GRAMD1B: variants seen among roughly 807,000 people sequenced by gnomAD.
The protein encoded by GRAMD1B is protein Aster-B.
GRAMD1B carries 37 observed loss-of-function variants against 99.7 expected under a neutral mutation model. The ratio of observed to expected loss-of-function variants is 0.37; its 90% confidence interval spans 0.29 to 0.49. GRAMD1B has a LOEUF of 0.49. Among genes scored for constraint, GRAMD1B ranks in the 20% least tolerant of loss-of-function variants. The pLI, the probability that GRAMD1B is intolerant of heterozygous loss-of-function variation, is 0.98. For synonymous variants in GRAMD1B, 427 were observed against 387.6 expected (o/e 1.10, Z -1.19); for missense variants, 888 against 1,009.2 (o/e 0.88, Z 1.63).
intron 1 of GRAMD1B, among the ~76,000 whole-genome samples, chr11:123,405,950 A>G (rs1056269291): frequency 1.3e-5 from 2 of 151,816 alleles, no homozygotes; most frequent in African/African-American, 4.8e-5. Context: ...TTGCATGTGC[A>G]TGTATATATA....
chr11:123,459,382 A>G (rs977823623), intron 1 of GRAMD1B: 1 of 151,870 alleles, frequency 6.6e-6, no homozygotes, highest in South Asian at 2.1e-4. Flanking sequence ...CAGCCTCCAG[A>G]GTAGCTGGGA....
chr11:123,549,715 A>G (rs1290809), intron 2 of GRAMD1B, among the ~76,000 whole-genome samples: 56,794 of 151,962 alleles, frequency 0.37, 12,468 homozygotes, highest in African/African-American at 0.61. Flanking sequence ...CTCATACTCT[A>G]TGAATGCAGA....
chr11:123,417,049 C>T (rs962610097), intron 1 of GRAMD1B, among the ~76,000 whole-genome samples: 1 of 152,182 alleles, frequency 6.6e-6, no homozygotes, highest in Non-Finnish European at 1.5e-5. Context: ...TGCAAGGGTA[C>T]ATTAATCTCA....
intron 2 of GRAMD1B, among the ~76,000 whole-genome samples, chr11:123,522,130 T>G (rs1280993390): frequency 6.6e-6 from 1 of 152,116 alleles, no homozygotes; most frequent in South Asian, 2.1e-4. Flanking sequence ...TATTCATTCC[T>G]AGAGGTTGTG....
intron 1 of GRAMD1B, among the ~76,000 whole-genome samples, chr11:123,467,184 G>C (rs4936810): frequency 6.6e-6 from 1 of 151,980 alleles, no homozygotes; most frequent in East Asian, 1.9e-4. Flanking sequence ...GGCATGAAAA[G>C]TTAAAGCTTA....
chr11:123,420,695 G>C (rs1948402666), intron 1 of GRAMD1B, among the ~76,000 whole-genome samples: 1 of 152,160 alleles, frequency 6.6e-6, no homozygotes, highest in Admixed American at 6.5e-5. Flanking sequence ...ATGACAGGGA[G>C]AACTAGTCTG....
In GRAMD1B at chr11:123,610,812, A is replaced by G. The variant is rs975792410; in HGVS notation, c.1919+474A>G. On this transcript the variant is annotated intron_variant, in intron 14 of 19. Transcript: ENST00000635736. This position sits in a 1 kb window ranked among gnomAD's most constrained non-coding sequence, Gnocchi z 4.1. ...CCATTAGTGTTAGACAGTGAGCTCC[A>G]CGAGGACAGGAATTCCATTCCACTT... is the stretch of plus-strand genomic sequence containing the variant. Among the ~76,000 whole-genome samples, 1 of 152,222 alleles carries G rather than the reference A, an allele frequency of 6.6e-6. No individual in the cohort carries two copies. Among genetic ancestry groups the G allele is most frequent in the Non-Finnish European group, 1.5e-5 (1 of 68,044 alleles).
chr11:123,395,780 C>G (rs1947438036), intron 1 of GRAMD1B, among the ~76,000 whole-genome samples: 2 of 152,086 alleles, frequency 1.3e-5, no homozygotes, highest in South Asian at 4.2e-4. Context: ...AGGATGAAAA[C>G]CCCTGTGCTC....
chr11:123,476,023 C>T (rs1951249510), intron 1 of GRAMD1B, among the ~76,000 whole-genome samples: 1 of 152,064 alleles, frequency 6.6e-6, no homozygotes, highest in Admixed American at 6.6e-5. Flanking sequence ...GAGGCAGTGT[C>T]TGAATCTCTG....
At chr11:123,429,998 C>G (rs1043098283), upstream of GRAMD1B, among the ~76,000 whole-genome samples, 5 of 152,112 alleles carry the variant, frequency 3.3e-5, no homozygotes, top group East Asian at 3.9e-4. The surrounding 1 kb of genome is among the most constrained non-coding windows in gnomAD (Gnocchi z 4.0). Flanking sequence ...CTGCACCCCC[C>G]ACCCCCAAGG....
intron 1 of GRAMD1B, among the ~76,000 whole-genome samples, chr11:123,378,067 A>G (rs1341288379): frequency 6.6e-6 from 1 of 152,212 alleles, no homozygotes; most frequent in Non-Finnish European, 1.5e-5. Context: ...TGGTCAGAAC[A>G]CTGGACTTGG....
chr11:123,618,829 A>G (rs1156692700), intron 18 of GRAMD1B, 29 bp downstream of exon 18: 3 of 1,087,924 alleles, frequency 2.8e-6, no homozygotes, highest in Non-Finnish European at 4.1e-6. Context: ...CCTCACCTCC[A>G]CCTTCATCCC....
Position 123,431,154 on chromosome 11 carries a change from G to A in GRAMD1B, c.362G>A (p.Cys121Tyr), listed in dbSNP as rs1034384315. The change falls in exon 1 of 20, where the codon TGC becomes TAC. Residue 121 changes from cysteine to tyrosine, a missense_variant. Coordinates refer to ENST00000635736, the MANE Select transcript of GRAMD1B (RefSeq NM_001387025.1). ...KWLRVRERKE[C>Y]SESSSQQSSQ... Reference sequence around the variant, plus strand: ...CTGAGGGTGAGGGAGCGGAAGGAGTGCAGTGAAAGCAGGTACGTCCCCGTT... The same window carrying A: ...CTGAGGGTGAGGGAGCGGAAGGAGTACAGTGAAAGCAGGTACGTCCCCGTT... The A allele has an allele frequency of 1.4e-6, 1 of 701,902 alleles. No individual in the cohort carries two copies. The highest frequency in any genetic ancestry group is 2.6e-6 in the Non-Finnish European group (1 of 384,298). The allele number at this position is 701,902 out of a possible 1,614,324, so 43.5% of individuals were successfully genotyped here.
intron 2 of GRAMD1B, among the ~76,000 whole-genome samples, chr11:123,497,852 G>C (rs1328257571): frequency 7.1e-6 from 1 of 140,762 alleles, no homozygotes; most frequent in African/African-American, 2.7e-5. Context: ...AGTGAGCCAA[G>C]ATTTCGCCAC....
Position 123,603,509 on chromosome 11 carries a change from C to T in GRAMD1B, c.1134C>T (p.Tyr378=), listed in dbSNP as rs576900747. Reference sequence around the variant, plus strand: ...GCCTGACCAGTGATGACGAGGACTACGTGCCCCCTGACGACGACTTCAACA... The same window carrying T: ...GCCTGACCAGTGATGACGAGGACTATGTGCCCCCTGACGACGACTTCAACA... The part of the protein sequence containing the change: ...ELGLTSDDED[Y]VPPDDDFNTM... The change falls in exon 9 of 20, where the codon TAC becomes TAT. Residue 378 remains tyrosine, a synonymous_variant. Transcript: ENST00000635736. 731 of 1,613,022 alleles carry T rather than the reference C, an allele frequency of 4.5e-4. 2 individuals carry two copies. The highest frequency in any genetic ancestry group is 3.9e-3 in the East Asian group (174 of 44,876).
intron 2 of GRAMD1B, chr11:123,509,836 T>C (rs941881068): frequency 2.0e-5 from 3 of 152,246 alleles, no homozygotes; most frequent in Non-Finnish European, 4.4e-5. Context: ...GAGTGATGAA[T>C]GGGGCTGGAT....
intron 1 of GRAMD1B, among the ~76,000 whole-genome samples, chr11:123,387,667 T>C (rs1439975613): frequency 6.6e-6 from 1 of 152,160 alleles, no homozygotes; most frequent in African/African-American, 2.4e-5. Context: ...GGGTTTTGTT[T>C]CCTGGCCCTC....
chr11:123,382,112 A>AT (rs1946896922), intron 1 of GRAMD1B, among the ~76,000 whole-genome samples: 1 of 151,968 alleles, frequency 6.6e-6, no homozygotes, highest in South Asian at 2.1e-4. Context: ...AAGCTAGGGG[A>AT]TTTTTCTGGG....
chr11:123,600,106 T>C (rs1951768642), intron 7 of GRAMD1B, among the ~76,000 whole-genome samples: 2 of 152,238 alleles, frequency 1.3e-5, no homozygotes, highest in Non-Finnish European at 2.9e-5. Context: ...TAGTAGATTG[T>C]GGGTTTGTCT....
Sources: allele counts gnomAD v4.1 joint callset (sites outside exome capture counted in the v4.1 genomes callset), GRCh38; gene constraint gnomAD v4.1.1; non-coding constraint Gnocchi (gnomAD v3.1); transcripts MANE v1.5; gene names NCBI Gene and HGNC (gene_info 2026-07-23, HGNC 2026-07-21).